The following ANKS1B variants were observed in gnomAD, a reference collection of about 807,000 sequenced individuals.
ANKS1B encodes ankyrin repeat and sterile alpha motif domain containing 1B.
A neutral mutation model predicts 148.3 loss-of-function variants in ANKS1B; 36 were observed. That is an observed-to-expected ratio of 0.24 (90% CI 0.19 to 0.32). The LOEUF (loss-of-function observed/expected upper bound fraction) is 0.32. Among genes scored for constraint, ANKS1B ranks in the 10% least tolerant of loss-of-function variants. The probability of loss-of-function intolerance (pLI) is 1.00; values close to 1 mark genes in which losing one functional copy is unlikely to be tolerated. For missense variants in ANKS1B, 1,157 were observed against 1,542.6 expected, an observed-to-expected ratio of 0.75 and a Z score of 4.19; for synonymous variants, 542 against 560.8, an observed-to-expected ratio of 0.97 and a Z score of 0.47.
chr12:99,737,187 T>G (rs2059690880), intron 8 of ANKS1B, among the ~76,000 whole-genome samples: 1 of 152,078 alleles, frequency 6.6e-6, no homozygotes, highest in Non-Finnish European at 1.5e-5. Context: ...TGCTGGTTAT[T>G]TATCATCAAA....
chr12:99,362,836 T>C (rs1171397046), intron 12 of ANKS1B, among the ~76,000 whole-genome samples: 1 of 151,998 alleles, frequency 6.6e-6, no homozygotes, highest in Non-Finnish European at 1.5e-5. Flanking sequence ...TTTATCCCAG[T>C]AGGGGGTCTA....
intron 19 of ANKS1B, among the ~76,000 whole-genome samples, chr12:98,823,114 T>C (rs557459285): frequency 7.0e-4 from 106 of 152,346 alleles, no homozygotes; most frequent in Non-Finnish European, 1.2e-3. Context: ...GTGTTGGTCA[T>C]AGCTGGCTAG....
chr12:99,429,799 T>TA (rs528414898), intron 11 of ANKS1B, among the ~76,000 whole-genome samples: 3,398 of 151,754 alleles, frequency 0.022, 122 homozygotes, highest in African/African-American at 0.077. Flanking sequence ...CTGTCTCTAC[T>TA]AAAAAATACA....
chr12:99,420,687 TA>T (rs1179671574), intron 11 of ANKS1B, among the ~76,000 whole-genome samples: 2 of 152,182 alleles, frequency 1.3e-5, no homozygotes, highest in Admixed American at 1.3e-4. Flanking sequence ...GGGGTATAAG[TA>T]TATAAAGCAA....
intron 14 of ANKS1B, among the ~76,000 whole-genome samples, chr12:99,212,358 ATT>A (rs10708065): frequency 4.7e-4 from 70 of 149,740 alleles, no homozygotes; most frequent in South Asian, 8.4e-4. Flanking sequence ...ACGTGTAGAG[ATT>A]TTTTTTTTTT....
intron 8 of ANKS1B, among the ~76,000 whole-genome samples, chr12:99,755,356 G>A (rs1383022618): frequency 2.0e-5 from 3 of 151,702 alleles, no homozygotes; most frequent in African/African-American, 7.3e-5. Context: ...ATAATAAACA[G>A]CCTACCAACC....
At chr12:99,737,208 T>G (rs1182114337) in intron 8 of ANKS1B, among the ~76,000 whole-genome samples, 1 of 151,960 alleles carries the variant, frequency 6.6e-6, no homozygotes, top group Non-Finnish European at 1.5e-5. Flanking sequence ...GGAAGGAAAA[T>G]CAGTATATCA....
At chr12:99,116,089 T>A (rs951802104) in intron 15 of ANKS1B, among the ~76,000 whole-genome samples, 1 of 152,166 alleles carries the variant, frequency 6.6e-6, no homozygotes, top group East Asian at 1.9e-4. Context: ...ATAGTTTCTA[T>A]TGTGTAGGAT....
Position 98,801,047 on chromosome 12 carries a change from G to T in ANKS1B, c.3220C>A (p.Gln1074Lys), listed in dbSNP as rs369570497. 2 of 1,612,748 alleles carry T rather than the reference G, an allele frequency of 1.2e-6. No individual in the cohort carries two copies. Among genetic ancestry groups the T allele is most frequent in the African/African-American group, 1.3e-5 (1 of 75,002 alleles). ...AAGATAAGCTTTTCTGGGTGATGCT[G>T]CCAGTACTGTACCGGGGTAGAGGCT... The part of the protein sequence containing the change: ...ATASTPVQYW[Q>K]HHPEKLIFQS... Residue 1074 changes from glutamine to lysine, a missense_variant, in exon 21 of 27, where the codon CAG becomes AAG. Around this residue, in one of 6 missense-constraint regions of ANKS1B, gnomAD observed 258 missense variants for 497.0 expected, o/e 0.52. Transcript: ENST00000683438. This position sits in a 1 kb window ranked among gnomAD's most constrained non-coding sequence, Gnocchi z 5.2.
chr12:99,367,107 C>G (rs1253916487), intron 12 of ANKS1B, among the ~76,000 whole-genome samples: 1 of 152,094 alleles, frequency 6.6e-6, no homozygotes, highest in Non-Finnish European at 1.5e-5. Flanking sequence ...ACCAAAAATA[C>G]TTCCAGACAT....
chr12:98,750,510 T>C (rs567635512), intron 26 of ANKS1B, among the ~76,000 whole-genome samples: 2 of 152,210 alleles, frequency 1.3e-5, no homozygotes, highest in East Asian at 3.9e-4. Flanking sequence ...CTGTTCCCCA[T>C]GACAGTGGAG....
intron 9 of ANKS1B, among the ~76,000 whole-genome samples, chr12:99,622,836 A>G (rs2098070376): frequency 6.6e-6 from 1 of 152,042 alleles, no homozygotes; most frequent in South Asian, 2.1e-4. Flanking sequence ...AGCCAGTACC[A>G]ATTCTACTGA....
chr12:99,949,922 A>G (rs889163201), intron 1 of ANKS1B, among the ~76,000 whole-genome samples: 3 of 151,816 alleles, frequency 2.0e-5, no homozygotes, highest in Admixed American at 2.0e-4. Flanking sequence ...AAAATTGTCA[A>G]CGCTTGCTCT....
At chr12:99,528,420 C>T (rs1260174673) in intron 9 of ANKS1B, among the ~76,000 whole-genome samples, 10 of 109,216 alleles carry the variant, frequency 9.2e-5, no homozygotes, top group Non-Finnish European at 1.7e-4. Context: ...AAAAACAGAA[C>T]AAAAACAAAA....
chr12:99,539,119 T>C (rs1397769016), intron 9 of ANKS1B, among the ~76,000 whole-genome samples: 4 of 152,120 alleles, frequency 2.6e-5, no homozygotes, highest in Non-Finnish European at 5.9e-5. Context: ...AAATACTAAA[T>C]TATTAAAGGG....
chr12:99,095,194 T>C (rs767382212), intron 15 of ANKS1B, among the ~76,000 whole-genome samples: 2 of 152,208 alleles, frequency 1.3e-5, no homozygotes, highest in Non-Finnish European at 2.9e-5. Context: ...TCAGACTCCA[T>C]GGACCCAGCA....
chr12:99,727,838 C>A (rs1011193461), intron 8 of ANKS1B, among the ~76,000 whole-genome samples: 24 of 152,180 alleles, frequency 1.6e-4, no homozygotes, highest in African/African-American at 5.5e-4. Context: ...TAACACCACA[C>A]ATCTACAACC....
chr12:99,039,687 T>C (rs951453474), intron 17 of ANKS1B, among the ~76,000 whole-genome samples: 4 of 152,138 alleles, frequency 2.6e-5, no homozygotes, highest in Non-Finnish European at 5.9e-5. Flanking sequence ...TTTGTTTGTT[T>C]GTTTATTTAT....
chr12:98,856,928 C>A (rs534062715), intron 17 of ANKS1B, among the ~76,000 whole-genome samples: 16 of 152,056 alleles, frequency 1.1e-4, no homozygotes, highest in African/African-American at 3.4e-4. Context: ...TACTTAATAC[C>A]TGGTGAGAGG....
Sources: allele counts gnomAD v4.1 joint callset (sites outside exome capture counted in the v4.1 genomes callset), GRCh38; gene constraint gnomAD v4.1.1; regional missense constraint gnomAD v4.1.1; non-coding constraint Gnocchi (gnomAD v3.1); transcripts MANE v1.5; gene names NCBI Gene and HGNC (gene_info 2026-07-23, HGNC 2026-07-21).